GDA: variants seen among roughly 807,000 people sequenced by gnomAD.
The protein encoded by GDA is cytoplasmic PSD-95 interactor.
In GDA, 18 loss-of-function variants were observed where a neutral mutation model predicts 59.6. That is an observed-to-expected ratio of 0.30 (90% CI 0.21 to 0.45). The LOEUF is 0.45. Ranked by LOEUF, GDA falls within the 20% of genes least tolerant of loss-of-function variation. GDA has a pLI of 1.00. For synonymous variants in GDA, 201 were observed against 201.1 expected, an observed-to-expected ratio of 1.00 and a Z score of 0.00; for missense variants, 427 against 552.3, an observed-to-expected ratio of 0.77 and a Z score of 2.27.
chr9:72,171,242 C>A (rs1829939508), intron 1 of GDA, among the ~76,000 whole-genome samples: 1 of 152,252 alleles, frequency 6.6e-6, no homozygotes, highest in Admixed American at 6.5e-5. Flanking sequence ...ATAGCAACAA[C>A]TATAATTTTA....
intron 3 of GDA, among the ~76,000 whole-genome samples, chr9:72,205,224 T>C (rs915343346): frequency 3.3e-5 from 5 of 151,970 alleles, no homozygotes; most frequent in Non-Finnish European, 5.9e-5. Context: ...ACTGAGGGTA[T>C]GGCTGACATC....
chr9:72,224,138 A>G (rs1326938323), intron 7 of GDA, among the ~76,000 whole-genome samples: 1 of 152,226 alleles, frequency 6.6e-6, no homozygotes, highest in Non-Finnish European at 1.5e-5. Flanking sequence ...TCTGTCGCCG[A>G]CAAAATAAAA....
chr9:72,179,964 C>T (rs535786479), intron 1 of GDA, among the ~76,000 whole-genome samples: 2 of 144,832 alleles, frequency 1.4e-5, no homozygotes, highest in East Asian at 3.9e-4. Context: ...AGGTCACATT[C>T]TGAATTACTG....
At chr9:72,133,739 A>T (rs899890046) in intron 1 of GDA, among the ~76,000 whole-genome samples, 4 of 152,212 alleles carry the variant, frequency 2.6e-5, no homozygotes, top group African/African-American at 9.7e-5. Flanking sequence ...TCTCCCAAAC[A>T]ATGCTAGAAA....
chr9:72,153,962 A>G (rs557843318), intron 1 of GDA, among the ~76,000 whole-genome samples: 58 of 143,562 alleles, frequency 4.0e-4, no homozygotes, highest in African/African-American at 1.5e-3. Context: ...TTAAAGTATA[A>G]TAAAAAAAAA....
At chr9:72,140,668 T>C (rs1826410154) in intron 1 of GDA, among the ~76,000 whole-genome samples, 1 of 152,180 alleles carries the variant, frequency 6.6e-6, no homozygotes, top group Non-Finnish European at 1.5e-5. Context: ...CATTAAAATA[T>C]TTCTCCATTG....
At chr9:72,217,544 G>A (rs1355862570) in intron 5 of GDA, among the ~76,000 whole-genome samples, 1 of 152,196 alleles carries the variant, frequency 6.6e-6, no homozygotes, top group Non-Finnish European at 1.5e-5. Flanking sequence ...CAACTTGAAT[G>A]TCAATATTAT....
chr9:72,184,332 C>G (rs1831612647), intron 1 of GDA, among the ~76,000 whole-genome samples: 1 of 152,154 alleles, frequency 6.6e-6, no homozygotes, highest in Non-Finnish European at 1.5e-5. Context: ...AGTGTTTTCA[C>G]TGTCCTAAAA....
downstream of GDA, among the ~76,000 whole-genome samples, chr9:72,254,675 C>T (rs144897220): frequency 4.6e-4 from 70 of 152,300 alleles, no homozygotes; most frequent in African/African-American, 1.7e-3. Context: ...CTTGTAGCTT[C>T]ACTGTGAAAT....
chr9:72,196,054 A>G (rs1398605109), intron 2 of GDA, among the ~76,000 whole-genome samples: 1 of 152,090 alleles, frequency 6.6e-6, no homozygotes, highest in Non-Finnish European at 1.5e-5. Context: ...AAATTTGAGA[A>G]TCAATTGGTT....
At chr9:72,213,772 T>C (rs1835719563) in intron 4 of GDA, 114 bp from the exon 5 acceptor site, 6 of 580,340 alleles carry the variant, frequency 1.0e-5, no homozygotes, top group Admixed American at 3.0e-5. Context: ...CACTGCAATC[T>C]GGCCTGGGCT....
chr9:72,198,405 G>T (rs991989770), intron 2 of GDA, among the ~76,000 whole-genome samples: 1 of 151,984 alleles, frequency 6.6e-6, no homozygotes, highest in Non-Finnish European at 1.5e-5. Flanking sequence ...CGGGCATGGT[G>T]GTGGGCCCCT....
chr9:72,209,926 T>G (rs1835157515), intron 3 of GDA, among the ~76,000 whole-genome samples: 1 of 152,218 alleles, frequency 6.6e-6, no homozygotes, highest in East Asian at 1.9e-4. Flanking sequence ...GATTTTCACT[T>G]AAACCTCTGC....
rs138689251 is a variant in GDA, at chr9:72,142,622, T to C, written c.-100+27789T>C. Reference sequence around the variant, plus strand: ...CAGTGATAGCAGGTGACCTTTCATCTTGCAGATGAAGAAACCAAGGCCCAA... The same window carrying C: ...CAGTGATAGCAGGTGACCTTTCATCCTGCAGATGAAGAAACCAAGGCCCAA... On this transcript the variant is annotated intron_variant, in intron 1 of 13. Coordinates refer to the GDA transcript ENST00000545168. Among the ~76,000 whole-genome samples the C allele has an allele frequency of 4.6e-5, 7 of 152,116 alleles. No homozygotes were observed. The East Asian group carries it at 1.4e-3, about 29-fold the overall frequency.
intron 1 of GDA, among the ~76,000 whole-genome samples, chr9:72,133,319 A>G (rs975254731): frequency 2.0e-5 from 3 of 148,174 alleles, no homozygotes; most frequent in African/African-American, 7.3e-5. Context: ...AATAATAATA[A>G]TAATAATAAT....
chr9:72,139,215 G>A (rs550369219), intron 1 of GDA, among the ~76,000 whole-genome samples: 15 of 152,234 alleles, frequency 9.9e-5, no homozygotes, highest in Admixed American at 7.9e-4. Flanking sequence ...GTCAAATGCA[G>A]CTTTACTGGA....
At chr9:72,173,770 C>T (rs1830251234) in intron 1 of GDA, among the ~76,000 whole-genome samples, 1 of 152,126 alleles carries the variant, frequency 6.6e-6, no homozygotes, top group African/African-American at 2.4e-5. Flanking sequence ...ATTCACAGAT[C>T]CCTGACTTTT....
chr9:72,178,164 G>A (rs1375617585), intron 1 of GDA, among the ~76,000 whole-genome samples: 1 of 152,216 alleles, frequency 6.6e-6, no homozygotes, highest in African/African-American at 2.4e-5. Flanking sequence ...AAGGAGTGTG[G>A]TTGGTTACTG....
chr9:72,250,167 C>G lies in GDA; in HGVS notation c.*1825C>G. ...AAAAATCTTCAGCTTTATCACTCAA[C>G]CCCTGCCAAAGGAACTTGATTACAT... On this transcript the variant is annotated 3_prime_UTR_variant, in exon 14 of 14. Transcript: ENST00000358399. 1 of 984,628 alleles carries G rather than the reference C, an allele frequency of 1.0e-6. No individual in the cohort carries two copies. Among genetic ancestry groups the G allele is most frequent in the Non-Finnish European group, 1.2e-6 (1 of 829,226 alleles). 61.0% of individuals were successfully genotyped at this position (984,628 alleles called of 1,614,324 possible). A position where few individuals can be genotyped will look rare whatever the true frequency, so the allele number is the denominator to read the frequency against.
Sources: gnomAD v4.1 joint callset for allele counts (sites outside exome capture counted in the v4.1 genomes callset) on GRCh38, gnomAD v4.1.1 for gene constraint, MANE v1.5 for transcripts, NCBI Gene and HGNC (gene_info 2026-07-23, HGNC 2026-07-21) for gene names.